The following RABL2A variants were observed in gnomAD, a reference collection of about 807,000 sequenced individuals.
RABL2A encodes rab-like protein 2A.
RABL2A carries 17 observed loss-of-function variants against 30.7 expected under a neutral mutation model. That is an observed-to-expected ratio of 0.55 (90% CI 0.38 to 0.83). RABL2A has a LOEUF of 0.83. RABL2A is among the 40% of genes least tolerant of loss of function. The pLI is 0.00. For synonymous variants in RABL2A, 64 were observed against 101.8 expected, an observed-to-expected ratio of 0.63 and a Z score of 2.24; for missense variants, 155 against 272.6, an observed-to-expected ratio of 0.57 and a Z score of 3.04.
chr2:113,632,593 A>G (rs201753740), intron 2 of RABL2A, among the ~76,000 whole-genome samples: 348 of 136,474 alleles, frequency 2.5e-3, no homozygotes, highest in East Asian at 9.0e-3. Flanking sequence ...CGGAAGGCGC[A>G]GCTTTGGCCT....
At chr2:113,636,900 A>C (rs1340386388) in intron 5 of RABL2A, among the ~76,000 whole-genome samples, 2 of 151,758 alleles carry the variant, frequency 1.3e-5, no homozygotes, top group African/African-American at 2.4e-5. Context: ...GAGGCAGGAG[A>C]ATGGCGTGAA....
In RABL2A at chr2:113,635,137, G is replaced by A. The variant is rs372452401; in HGVS notation, c.297+7G>A. The A allele has an allele frequency of 4.3e-6, 7 of 1,614,040 alleles. No individual in the cohort carries two copies. Among genetic ancestry groups the A allele is most frequent in the Non-Finnish European group, 5.9e-6 (7 of 1,180,030 alleles). ...GGCCCATGCCTGCATCATGGTACGA[G>A]ACGGTGGGGAGGTGGACAAAGGCAC... On this transcript the variant is annotated splice_region_variant and intron_variant, in intron 5 of 8. Transcript: ENST00000683472.
chr2:113,638,820 A>G (rs1227902628), intron 5 of RABL2A, among the ~76,000 whole-genome samples: 1 of 151,982 alleles, frequency 6.6e-6, no homozygotes, highest in African/African-American at 2.4e-5. Flanking sequence ...CAGGAGGTGG[A>G]GGTTGCAGTG....
intron 5 of RABL2A, among the ~76,000 whole-genome samples, chr2:113,639,770 C>CA (rs1463510999): frequency 2.6e-5 from 4 of 151,708 alleles, no homozygotes; most frequent in African/African-American, 9.7e-5. Flanking sequence ...ACAAGAGAAT[C>CA]ACTTGAACAC....
At chr2:113,639,498 T>A (rs1193560334) in intron 5 of RABL2A, among the ~76,000 whole-genome samples, 1 of 151,688 alleles carries the variant, frequency 6.6e-6, no homozygotes, top group African/African-American at 2.4e-5. Context: ...GGTGCGCACC[T>A]GTAATCCCAG....
chr2:113,638,995 TAA>T (rs1203192820), intron 5 of RABL2A, among the ~76,000 whole-genome samples: 1 of 152,096 alleles, frequency 6.6e-6, no homozygotes, highest in East Asian at 1.9e-4. Flanking sequence ...TAAAAAAATT[TAA>T]AGAGGCCGGG....
chr2:113,639,777 A>G (rs1401668107), intron 5 of RABL2A, among the ~76,000 whole-genome samples: 1 of 151,900 alleles, frequency 6.6e-6, no homozygotes, highest in South Asian at 2.1e-4. Context: ...AATCACTTGA[A>G]CACAGAAGGC....
chr2:113,642,184 A>G lies in RABL2A; in HGVS notation c.*55A>G. 3 of 1,519,610 alleles carry G rather than the reference A, an allele frequency of 2.0e-6. No homozygotes were observed. Among genetic ancestry groups the G allele is most frequent in the Non-Finnish European group, 2.6e-6 (3 of 1,138,224 alleles). The allele number at this position is 1,519,610 out of a possible 1,614,324, so 94.1% of individuals were successfully genotyped here. A position where few individuals can be genotyped will look rare whatever the true frequency, so the allele number is the denominator to read the frequency against. On this transcript the variant is annotated 3_prime_UTR_variant, in exon 9 of 9. Transcript: ENST00000683472. ...TTTTAAAATACCCTTCCCTTCAACA[A>G]CTCTCCAGCTCTGAATGGAGAAACT... is the stretch of plus-strand genomic sequence containing the variant.
chr2:113,631,046 C>T (rs1298161073), intron 2 of RABL2A, among the ~76,000 whole-genome samples: 4 of 151,932 alleles, frequency 2.6e-5, no homozygotes, highest in East Asian at 3.9e-4. Flanking sequence ...TACAGGCATG[C>T]GCCACCATGC....
chr2:113,637,816 C>T lies in RABL2A; in HGVS notation c.297+2686C>T, dbSNP rs1033121736. The T allele has an allele frequency of 3.1e-6, 4 of 1,277,408 alleles. No homozygotes were observed. The African/African-American group carries it at 4.6e-5, about 15-fold the overall frequency. The allele number at this position is 1,277,408 out of a possible 1,614,324, so 79.1% of individuals were successfully genotyped here. On this transcript the variant is annotated intron_variant, in intron 5 of 8. Coordinates refer to ENST00000683472, the MANE Select transcript of RABL2A (RefSeq NM_001306158.2). The stretch of plus-strand genomic sequence containing the variant: ...CTTTTTCTCTTGGAGTGACTGCTTC[C>T]TGCATCTGCTGCATCTCCGTGGGCT...
intron 2 of RABL2A, among the ~76,000 whole-genome samples, chr2:113,629,908 G>T (rs934897268): frequency 2.0e-5 from 3 of 152,136 alleles, no homozygotes; most frequent in East Asian, 1.9e-4. Context: ...GTGAGGGTAG[G>T]TGTTGTAGTT....
At chr2:113,636,938 G>A (rs1402723392) in intron 5 of RABL2A, among the ~76,000 whole-genome samples, 22 of 151,462 alleles carry the variant, frequency 1.5e-4, no homozygotes, top group Non-Finnish European at 2.9e-4. Flanking sequence ...GCAGTGAGCC[G>A]AGATCGCGCC....
chr2:113,641,296 C>T lies in RABL2A; in HGVS notation c.410-57C>T. On this transcript the variant is annotated intron_variant, in intron 6 of 8. Coordinates refer to ENST00000683472, the MANE Select transcript of RABL2A (RefSeq NM_001306158.2). The stretch of plus-strand genomic sequence containing the variant: ...TGGAATGAAGGCCTCCAGTGGCCCC[C>T]CCTCCAAACCTTCTTCCCTTCCCTT... 3 of 1,611,470 alleles carry T rather than the reference C, an allele frequency of 1.9e-6. No homozygotes were observed. In the South Asian group the frequency reaches 3.3e-5, roughly 18 times the overall value.
At chr2:113,638,948 A>G (rs545446896) in intron 5 of RABL2A, among the ~76,000 whole-genome samples, 1 of 152,298 alleles carries the variant, frequency 6.6e-6, no homozygotes, top group East Asian at 1.9e-4. Flanking sequence ...AAGTAATACA[A>G]TTATGAACTG....
intron 2 of RABL2A, among the ~76,000 whole-genome samples, chr2:113,629,533 A>G (rs1679459243): frequency 6.7e-6 from 1 of 148,330 alleles, no homozygotes; most frequent in Non-Finnish European, 1.5e-5. Context: ...GCTCTGGTTT[A>G]GAATTTTTTT....
rs1204216768 is a variant in RABL2A, at chr2:113,641,798, T to C, written c.525T>C (p.Ile175=). 2 of 800,648 alleles carry C rather than the reference T, an allele frequency of 2.5e-6. No homozygotes were observed. The highest frequency in any genetic ancestry group is 4.0e-5 in the African/African-American group (2 of 50,072). The allele number at this position is 800,648 out of a possible 1,614,324, so 49.6% of individuals were successfully genotyped here. A position where few individuals can be genotyped will look rare whatever the true frequency, so the allele number is the denominator to read the frequency against. The change falls in exon 8 of 9, where the codon ATT becomes ATC. Residue 175 remains isoleucine, a synonymous_variant. Coordinates refer to ENST00000683472, the MANE Select transcript of RABL2A (RefSeq NM_001306158.2). ...ACCCCCAGCTCTTCAATGATGCAAT[T>C]CGATTAGCTGTGTCTTACAAACAGA... ...TNVVKLFNDA[I]RLAVSYKQNS...
chr2:113,641,164 T>C (rs1453810696), intron 6 of RABL2A, 159 bp downstream of exon 6: 2 of 879,530 alleles, frequency 2.3e-6, no homozygotes, highest in Admixed American at 2.7e-5. Flanking sequence ...TCCCACCTTA[T>C]AAAGAAGCCA....
intron 4 of RABL2A, 54 bp from the exon 5 acceptor site, chr2:113,634,997 T>C (rs1369957969): frequency 5.0e-6 from 8 of 1,613,662 alleles, no homozygotes; most frequent in Non-Finnish European, 6.8e-6. Flanking sequence ...TGTATCTTAG[T>C]GACTTGCACA....
At chr2:113,637,763 T>C (rs1559189401) in intron 5 of RABL2A, 21 of 1,276,496 alleles carry the variant, frequency 1.6e-5, no homozygotes, top group Admixed American at 5.0e-5. Flanking sequence ...AGGCCTACAG[T>C]GGCATTTGGT....
Sources: gnomAD v4.1 joint callset for allele counts (sites outside exome capture counted in the v4.1 genomes callset) on GRCh38, gnomAD v4.1.1 for gene constraint, MANE v1.5 for transcripts, NCBI Gene and HGNC (gene_info 2026-07-23, HGNC 2026-07-21) for gene names.